The following MACROD2 variants were observed in gnomAD, a reference collection of about 807,000 sequenced individuals.
The protein encoded by MACROD2 is ADP-ribose glycohydrolase MACROD2.
A neutral mutation model predicts 70.4 loss-of-function variants in MACROD2; 36 were observed. That is an observed-to-expected ratio of 0.51 (90% CI 0.39 to 0.68). The LOEUF (loss-of-function observed/expected upper bound fraction) is 0.68. Among genes scored for constraint, MACROD2 ranks in the 30% least tolerant of loss-of-function variants. The pLI is 0.00. For missense variants in MACROD2, 496 were observed against 538.4 expected (o/e 0.92, Z 0.78); for synonymous variants, 172 against 178.8 (o/e 0.96, Z 0.30).
intron 8 of MACROD2, among the ~76,000 whole-genome samples, chr20:15,790,301 A>C (rs953812401): frequency 6.6e-6 from 1 of 151,874 alleles, no homozygotes; most frequent in African/African-American, 2.4e-5. Context: ...AATGATAAAA[A>C]TTTTGAATTT....
intron 8 of MACROD2, among the ~76,000 whole-genome samples, chr20:15,691,590 T>C (rs1012925528): frequency 1.3e-5 from 2 of 152,142 alleles, no homozygotes; most frequent in African/African-American, 4.8e-5. Flanking sequence ...GGGGAAAGCT[T>C]CTCTAAGTAG....
At chr20:14,277,158 T>G (rs201630804) in intron 3 of MACROD2, among the ~76,000 whole-genome samples, 6 of 151,670 alleles carry the variant, frequency 4.0e-5, no homozygotes, top group African/African-American at 1.5e-4. Flanking sequence ...AAAAAAAAAA[T>G]TAACTGGGCA....
intron 8 of MACROD2, among the ~76,000 whole-genome samples, chr20:15,724,540 C>A (rs766121049): frequency 2.6e-5 from 4 of 152,050 alleles, no homozygotes; most frequent in Non-Finnish European, 4.4e-5. Flanking sequence ...GCTTAAAAGA[C>A]TATCTTTGTT....
chr20:15,279,430 C>T (rs1215718855), intron 6 of MACROD2, among the ~76,000 whole-genome samples: 1 of 152,152 alleles, frequency 6.6e-6, no homozygotes, highest in Non-Finnish European at 1.5e-5. Flanking sequence ...AGGGCTGCAG[C>T]TTGATTTCAA....
chr20:14,019,538 G>C (rs913590465), intron 2 of MACROD2, among the ~76,000 whole-genome samples: 1 of 152,168 alleles, frequency 6.6e-6, no homozygotes, highest in African/African-American at 2.4e-5. Context: ...CTCCCAAAGT[G>C]CTGGGATTAC....
chr20:15,759,858 C>T (rs1328811702), intron 8 of MACROD2, among the ~76,000 whole-genome samples: 1 of 152,190 alleles, frequency 6.6e-6, no homozygotes, highest in Non-Finnish European at 1.5e-5. Flanking sequence ...CAGGAGTTTT[C>T]TATTACAGAA....
At chr20:15,296,579 G>C (rs2077591161) in intron 6 of MACROD2, among the ~76,000 whole-genome samples, 1 of 152,106 alleles carries the variant, frequency 6.6e-6, no homozygotes, top group African/African-American at 2.4e-5. Context: ...GTGTATATTG[G>C]AAATACTCCA....
At chr20:14,095,260 TA>T (rs941839324) in intron 3 of MACROD2, among the ~76,000 whole-genome samples, 3 of 151,470 alleles carry the variant, frequency 2.0e-5, no homozygotes, top group South Asian at 2.1e-4. Context: ...ATCACAAAAT[TA>T]AAAAAAAATT....
intron 4 of MACROD2, among the ~76,000 whole-genome samples, chr20:14,601,726 A>G (rs537110588): frequency 6.6e-6 from 1 of 152,230 alleles, no homozygotes; most frequent in African/African-American, 2.4e-5. Flanking sequence ...TTAGCACTGG[A>G]AATCACTCCT....
chr20:15,373,073 A>G (rs1003516307), intron 6 of MACROD2, among the ~76,000 whole-genome samples: 1 of 152,170 alleles, frequency 6.6e-6, no homozygotes, highest in Non-Finnish European at 1.5e-5. Context: ...ATCCTTTTCT[A>G]TAACAATTTT....
intron 10 of MACROD2, among the ~76,000 whole-genome samples, chr20:15,905,653 A>G (rs2065136398): frequency 6.6e-6 from 1 of 152,230 alleles, no homozygotes; most frequent in Non-Finnish European, 1.5e-5. Flanking sequence ...TTTGTCGTTA[A>G]GGAGAGGTAT....
intron 5 of MACROD2, among the ~76,000 whole-genome samples, chr20:14,839,393 G>A (rs1285296548): frequency 6.6e-6 from 1 of 152,042 alleles, no homozygotes; most frequent in Non-Finnish European, 1.5e-5. Flanking sequence ...AGCAGCTTTT[G>A]TCTTAAATTA....
chr20:15,891,892 C>G (rs1490977304), intron 10 of MACROD2, among the ~76,000 whole-genome samples: 2 of 152,082 alleles, frequency 1.3e-5, no homozygotes, highest in Non-Finnish European at 2.9e-5. Context: ...ATTATTAGTG[C>G]TGTGAAGTGT....
intron 8 of MACROD2, among the ~76,000 whole-genome samples, chr20:15,672,983 T>C (rs1600739339): frequency 6.6e-6 from 1 of 152,230 alleles, no homozygotes. Flanking sequence ...CCTGTCACCA[T>C]GTAAGACATG....
chr20:14,964,684 C>G (rs1237335683), intron 5 of MACROD2, among the ~76,000 whole-genome samples: 2 of 152,148 alleles, frequency 1.3e-5, no homozygotes. Flanking sequence ...ATAATAGCAG[C>G]AACAATGGAA....
intron 7 of MACROD2, among the ~76,000 whole-genome samples, chr20:15,454,088 A>C (rs1270160317): frequency 6.6e-6 from 1 of 152,128 alleles, no homozygotes; most frequent in Non-Finnish European, 1.5e-5. Context: ...TCCCTAGCCA[A>C]TTGTCAATAG....
chr20:14,002,239 C>A, intron 1 of MACROD2, 49 bp from the exon 2 acceptor site: 1 of 1,222,606 alleles, frequency 8.2e-7, no homozygotes, highest in Non-Finnish European at 1.2e-6. Flanking sequence ...AAATAATTCC[C>A]ATGTTTAAAC....
At chr20:15,093,708 T>G (rs1190144914) in intron 5 of MACROD2, among the ~76,000 whole-genome samples, 1 of 152,212 alleles carries the variant, frequency 6.6e-6, no homozygotes, top group African/African-American at 2.4e-5. Context: ...CTAATATTCA[T>G]TCTGATGACA....
chr20:14,436,865 C>T (rs894760375), intron 3 of MACROD2, among the ~76,000 whole-genome samples: 19 of 152,198 alleles, frequency 1.2e-4, no homozygotes, highest in Admixed American at 1.3e-4. Context: ...ATTAAGCATG[C>T]ACTTACTGTG....
Sources: gnomAD v4.1 joint callset for allele counts (sites outside exome capture counted in the v4.1 genomes callset) on GRCh38, gnomAD v4.1.1 for gene constraint, MANE v1.5 for transcripts, NCBI Gene and HGNC (gene_info 2026-07-23, HGNC 2026-07-21) for gene names.